SIPA1L1: variants seen among roughly 807,000 people sequenced by gnomAD.
SIPA1L1 encodes the protein signal-induced proliferation-associated 1-like protein 1.
In SIPA1L1, 26 loss-of-function variants were observed where a neutral mutation model predicts 162.7. The ratio of observed to expected loss-of-function variants is 0.16; its 90% CI spans 0.12 to 0.22. SIPA1L1 has a LOEUF of 0.22. Ranked by LOEUF, SIPA1L1 falls within the 10% of genes least tolerant of loss-of-function variation. The probability of loss-of-function intolerance (pLI) is 1.00; values close to 1 mark genes in which losing one functional copy is unlikely to be tolerated. For synonymous variants in SIPA1L1, 829 were observed against 837.4 expected (o/e 0.99, Z 0.17); for missense variants, 1,874 against 2,241.0 (o/e 0.84, Z 3.31).
chr14:71,533,638 G>T (rs1186657737), intron 4 of SIPA1L1, among the ~76,000 whole-genome samples: 5 of 152,212 alleles, frequency 3.3e-5, no homozygotes, highest in Middle Eastern at 3.2e-3. Context: ...GTCTGCGGTT[G>T]TACATGCACA....
At chr14:71,426,240 A>C (rs992379674) in intron 2 of SIPA1L1, among the ~76,000 whole-genome samples, 4 of 152,150 alleles carry the variant, frequency 2.6e-5, no homozygotes, top group Admixed American at 2.0e-4. Flanking sequence ...ATTTACATTT[A>C]AAGTAATGAC....
intron 2 of SIPA1L1, among the ~76,000 whole-genome samples, chr14:71,348,871 A>C (rs2036431586): frequency 6.6e-6 from 1 of 152,238 alleles, no homozygotes; most frequent in Non-Finnish European, 1.5e-5. Context: ...AAGAATCTCC[A>C]GGCTGAAATG....
intron 10 of SIPA1L1, among the ~76,000 whole-genome samples, chr14:71,668,587 TCAAATGAAACCCAAAGA>T (rs1596791397): frequency 6.6e-6 from 1 of 152,226 alleles, no homozygotes; most frequent in South Asian, 2.1e-4. Flanking sequence ...AGGTGAATTT[TCAAATGAAACCCAAAGA>T]TTTTACTGAA....
intron 15 of SIPA1L1, among the ~76,000 whole-genome samples, 162 bp downstream of exon 15, chr14:71,702,667 T>C (rs1597097473): frequency 6.6e-6 from 1 of 152,154 alleles, no homozygotes; most frequent in East Asian, 1.9e-4. Context: ...AAACAATAAA[T>C]AAGACCTAAG....
chr14:71,544,760 G>A (rs1038805109), intron 4 of SIPA1L1, among the ~76,000 whole-genome samples: 2 of 152,044 alleles, frequency 1.3e-5, no homozygotes, highest in South Asian at 2.1e-4. Context: ...AAAATCAGTC[G>A]ACTATATACG....
At chr14:71,731,441 T>C (rs1483161722) in intron 20 of SIPA1L1, among the ~76,000 whole-genome samples, 1 of 152,206 alleles carries the variant, frequency 6.6e-6, no homozygotes, top group African/African-American at 2.4e-5. Context: ...AATGACCACT[T>C]TTTGTCACCA....
intron 12 of SIPA1L1, among the ~76,000 whole-genome samples, chr14:71,680,264 T>G (rs908338791): frequency 6.6e-6 from 1 of 152,182 alleles, no homozygotes; most frequent in Non-Finnish European, 1.5e-5. Flanking sequence ...AACTCAGGAT[T>G]AAGAAACTCA....
intron 4 of SIPA1L1, among the ~76,000 whole-genome samples, chr14:71,566,245 T>C (rs2030536556): frequency 6.6e-6 from 1 of 152,208 alleles, no homozygotes; most frequent in South Asian, 2.1e-4. Context: ...AGAAGATATG[T>C]AATGGCCTTA....
chr14:71,462,718 C>T (rs2046697911), intron 2 of SIPA1L1, among the ~76,000 whole-genome samples: 1 of 152,190 alleles, frequency 6.6e-6, no homozygotes, highest in African/African-American at 2.4e-5. Flanking sequence ...GTCTTGCTCA[C>T]TAGATCCACT....
intron 2 of SIPA1L1, among the ~76,000 whole-genome samples, chr14:71,484,927 C>T (rs2142861608): frequency 6.6e-6 from 1 of 152,316 alleles, no homozygotes; most frequent in South Asian, 2.1e-4. Flanking sequence ...GAGTAGAGAA[C>T]ATGATCCTGA....
At chr14:71,339,190 A>T (rs1432838940) in intron 2 of SIPA1L1, among the ~76,000 whole-genome samples, 1 of 152,188 alleles carries the variant, frequency 6.6e-6, no homozygotes, top group African/African-American at 2.4e-5. Context: ...TTCTCTGAGG[A>T]TAGAGACCAT....
intron 2 of SIPA1L1, among the ~76,000 whole-genome samples, chr14:71,407,724 A>G (rs905329772): frequency 2.6e-5 from 4 of 152,102 alleles, no homozygotes; most frequent in Non-Finnish European, 5.9e-5. Flanking sequence ...AGGCTGGTGA[A>G]TTATTTTTAT....
chr14:71,376,070 T>A (rs1467249723), intron 2 of SIPA1L1, among the ~76,000 whole-genome samples: 3 of 152,180 alleles, frequency 2.0e-5, no homozygotes, highest in African/African-American at 7.2e-5. Context: ...TGGGCTTTGA[T>A]CCCTTTTCTG....
intron 4 of SIPA1L1, among the ~76,000 whole-genome samples, chr14:71,559,408 T>A (rs945068708): frequency 4.6e-5 from 7 of 152,146 alleles, no homozygotes; most frequent in Non-Finnish European, 1.0e-4. Context: ...AAAAGGAAGT[T>A]TTTCCAACTT....
chr14:71,625,724 T>C (rs1201276757), intron 7 of SIPA1L1, among the ~76,000 whole-genome samples: 1 of 152,222 alleles, frequency 6.6e-6, no homozygotes, highest in East Asian at 1.9e-4. Flanking sequence ...ACTTTATTGA[T>C]TCGGTCATTT....
At chr14:71,417,887 A>G (rs571729073) in intron 2 of SIPA1L1, among the ~76,000 whole-genome samples, 3 of 152,298 alleles carry the variant, frequency 2.0e-5, no homozygotes, top group South Asian at 4.1e-4. Context: ...GACTAGTTTG[A>G]ATTGAGTTTG....
Position 71,588,113 on chromosome 14 carries a change from G to T in SIPA1L1, c.241G>T (p.Ala81Ser). The T allele has an allele frequency of 6.2e-7, 1 of 1,614,138 alleles. No homozygotes were observed. The highest frequency in any genetic ancestry group is 8.5e-7 in the Non-Finnish European group (1 of 1,179,992). ...VPKMGVRARIADWPPRKENIK... is the reference protein window; with the variant it reads ...VPKMGVRARISDWPPRKENIK... ...AAAAATGGGGGTAAGGGCAAGGATT[G>T]CAGATTGGCCCCCAAGAAAGGAAAA... is the stretch of plus-strand genomic sequence containing the variant. Residue 81 changes from alanine (A) to serine (S), a missense_variant, in exon 5 of 24, where the codon GCA becomes TCA. By Grantham distance (99) the Ala-to-Ser change is moderately conservative. Coordinates refer to ENST00000381232, the MANE Select transcript of SIPA1L1 (RefSeq NM_001386936.1). This position sits in a 1 kb window ranked among gnomAD's most constrained non-coding sequence, Gnocchi z 4.3.
intron 12 of SIPA1L1, among the ~76,000 whole-genome samples, chr14:71,674,643 C>T (rs996335185): frequency 8.6e-4 from 129 of 150,074 alleles, no homozygotes; most frequent in African/African-American, 2.8e-3. Context: ...CGGCTCACTG[C>T]AAGCTCCGCC....
chr14:71,569,487 G>A (rs1217399538), intron 4 of SIPA1L1, among the ~76,000 whole-genome samples: 1 of 152,180 alleles, frequency 6.6e-6, no homozygotes, highest in African/African-American at 2.4e-5. Flanking sequence ...CAGGATGCTG[G>A]CAGTCAGACG....
Sources: gnomAD v4.1 joint callset for allele counts (sites outside exome capture counted in the v4.1 genomes callset) on GRCh38, gnomAD v4.1.1 for gene constraint, Gnocchi (gnomAD v3.1) non-coding constraint, MANE v1.5 for transcripts, NCBI Gene and HGNC (gene_info 2026-07-23, HGNC 2026-07-21) for gene names.